Variants in STK38L observed in about 807,000 individuals in gnomAD.
STK38L encodes serine/threonine kinase 38 like.
A neutral mutation model predicts 59.7 loss-of-function variants in STK38L; 28 were observed. That is an observed-to-expected ratio of 0.47 (90% CI 0.35 to 0.64). The LOEUF (loss-of-function observed/expected upper bound fraction) is 0.64. STK38L is among the 30% of genes least tolerant of loss of function. The probability of loss-of-function intolerance (pLI) is 0.01; values close to 1 mark genes in which losing one functional copy is unlikely to be tolerated. For missense variants in STK38L, 314 were observed against 555.8 expected, an observed-to-expected ratio of 0.56 and a Z score of 4.37; for synonymous variants, 162 against 176.8, an observed-to-expected ratio of 0.92 and a Z score of 0.66.
chr12:27,301,953 A>T (rs1190920838), intron 2 of STK38L, among the ~76,000 whole-genome samples, 184 bp from the exon 3 acceptor site: 1 of 152,178 alleles, frequency 6.6e-6, no homozygotes, highest in Non-Finnish European at 1.5e-5. Context: ...ATGAGAAAGC[A>T]AAATCTGGGT....
chr12:27,300,761 T>C (rs1944148860), intron 2 of STK38L, among the ~76,000 whole-genome samples: 1 of 152,230 alleles, frequency 6.6e-6, no homozygotes, highest in Admixed American at 6.5e-5. Flanking sequence ...TTGGAGAATA[T>C]GCTCTTAGGC....
At chr12:27,290,804 G>C (rs1943879968) in intron 1 of STK38L, among the ~76,000 whole-genome samples, 1 of 152,210 alleles carries the variant, frequency 6.6e-6, no homozygotes, top group South Asian at 2.1e-4. Flanking sequence ...AGCTGACAGA[G>C]CTCATTGTGG....
At chr12:27,317,688 C>A (rs1367835237) in intron 10 of STK38L, 1 of 754,430 alleles carries the variant, frequency 1.3e-6, no homozygotes, top group Admixed American at 3.0e-5. Context: ...ATCTACATAG[C>A]TTTTCAGGTA....
At chr12:27,272,398 A>G (rs1943442186) in intron 1 of STK38L, among the ~76,000 whole-genome samples, 1 of 152,194 alleles carries the variant, frequency 6.6e-6, no homozygotes, top group African/African-American at 2.4e-5. Flanking sequence ...AAAGTTTAAG[A>G]ACTTTGCCAT....
chr12:27,291,123 G>A (rs1943887276), intron 1 of STK38L, among the ~76,000 whole-genome samples: 1 of 151,976 alleles, frequency 6.6e-6, no homozygotes, highest in African/African-American at 2.4e-5. Context: ...CTGGGTACTT[G>A]GGTAAAAACT....
intron 1 of STK38L, among the ~76,000 whole-genome samples, chr12:27,246,617 TA>T (rs936203628): frequency 2.4e-4 from 36 of 152,306 alleles, no homozygotes; most frequent in African/African-American, 8.7e-4. Context: ...TTTTAAGACA[TA>T]ACTTTTTTAA....
chr12:27,317,206 T>TA (rs1944607809), intron 9 of STK38L, 130 bp from the exon 10 acceptor site: 1 of 669,656 alleles, frequency 1.5e-6, no homozygotes, highest in African/African-American at 1.8e-5. Context: ...TTGCACATGA[T>TA]AAACATGCAA....
intron 1 of STK38L, among the ~76,000 whole-genome samples, chr12:27,285,659 G>C (rs1943755880): frequency 6.6e-6 from 1 of 152,128 alleles, no homozygotes; most frequent in Non-Finnish European, 1.5e-5. Flanking sequence ...CCATTCATCA[G>C]TTGTTCTCTG....
At chr12:27,285,531 C>T (rs1943753204) in intron 1 of STK38L, among the ~76,000 whole-genome samples, 1 of 152,138 alleles carries the variant, frequency 6.6e-6, no homozygotes, top group Non-Finnish European at 1.5e-5. Context: ...AGCAAGTGTT[C>T]AAAGCTGCCC....
At chr12:27,289,653 A>G (rs535981804) in intron 1 of STK38L, among the ~76,000 whole-genome samples, 9 of 152,372 alleles carry the variant, frequency 5.9e-5, no homozygotes, top group African/African-American at 2.2e-4. Context: ...CATACGCCAC[A>G]TGGAGAGGGC....
chr12:27,279,128 A>G lies in STK38L; in HGVS notation c.-11-18582A>G, dbSNP rs191991620. Reference sequence around the variant, plus strand: ...ACTGAATGTGCCTCATTTTCGGACCATCATAAAGTGGAAAAATTGTAAGTT... The same window carrying G: ...ACTGAATGTGCCTCATTTTCGGACCGTCATAAAGTGGAAAAATTGTAAGTT... On this transcript the variant is annotated intron_variant, in intron 1 of 13. Coordinates refer to ENST00000389032, the MANE Select transcript of STK38L (RefSeq NM_015000.4). Among the ~76,000 whole-genome samples the G allele has an allele frequency of 1.6e-3, 243 of 152,320 alleles. 3 individuals carry two copies. In the Middle Eastern group the frequency reaches 0.048, roughly 30 times the overall value.
chr12:27,254,459 A>G (rs915491499), intron 1 of STK38L, among the ~76,000 whole-genome samples: 8 of 152,224 alleles, frequency 5.3e-5, no homozygotes, highest in African/African-American at 1.9e-4. Flanking sequence ...TCGTTATTAT[A>G]AACTTTGTAT....
Position 27,324,836 on chromosome 12 carries a change from A to C in STK38L, c.*2381A>C, listed in dbSNP as rs528221794. ...CTAGATAATTTGCAAAGTACCCTTG[A>C]GATTGAATTTTCTCTATTATATATT... On this transcript the variant is annotated 3_prime_UTR_variant, in exon 14 of 14. Transcript: ENST00000389032. 2 of 152,234 alleles carry C rather than the reference A, an allele frequency of 1.3e-5. No individual in the cohort carries two copies. Among genetic ancestry groups the C allele is most frequent in the East Asian group, 3.9e-4 (2 of 5,186 alleles). 9.4% of individuals were successfully genotyped at this position (152,234 alleles called of 1,614,324 possible). A position where few individuals can be genotyped will look rare whatever the true frequency, so the allele number is the denominator to read the frequency against.
At chr12:27,265,162 A>G (rs1943276902) in intron 1 of STK38L, among the ~76,000 whole-genome samples, 1 of 152,224 alleles carries the variant, frequency 6.6e-6, no homozygotes, top group Non-Finnish European at 1.5e-5. Flanking sequence ...GTATGAAGAA[A>G]AAGAAAAGAT....
chr12:27,245,313 C>T (rs12424781), intron 1 of STK38L, among the ~76,000 whole-genome samples: 18,022 of 152,162 alleles, frequency 0.12, 1,286 homozygotes, highest in East Asian at 0.31. Flanking sequence ...GCCACTTAAT[C>T]GGAAATGGCC....
chr12:27,316,100 A>C (rs888876563), intron 9 of STK38L, among the ~76,000 whole-genome samples: 4 of 152,206 alleles, frequency 2.6e-5, no homozygotes, highest in Admixed American at 6.5e-5. Context: ...CTAATTCAGC[A>C]TTCCCTCAGG....
intron 1 of STK38L, chr12:27,297,110 A>G (rs1944043917): frequency 6.6e-6 from 1 of 152,448 alleles, no homozygotes; most frequent in Non-Finnish European, 1.5e-5. Flanking sequence ...ACGTTTTGGA[A>G]TGACCCAGAA....
intron 2 of STK38L, 36 bp from the exon 3 acceptor site, chr12:27,302,101 T>C: frequency 3.3e-6 from 5 of 1,519,806 alleles, no homozygotes; most frequent in Non-Finnish European, 3.6e-6. Context: ...TAGTTAGGAA[T>C]GTATTTAAAA....
intron 1 of STK38L, among the ~76,000 whole-genome samples, chr12:27,291,328 T>C (rs1943891006): frequency 6.6e-6 from 1 of 152,190 alleles, no homozygotes; most frequent in South Asian, 2.1e-4. Flanking sequence ...CTTACAGCTC[T>C]TCCTCCTCTG....
Sources: allele counts gnomAD v4.1 joint callset (sites outside exome capture counted in the v4.1 genomes callset), GRCh38; gene constraint gnomAD v4.1.1; transcripts MANE v1.5; gene names NCBI Gene and HGNC (gene_info 2026-07-23, HGNC 2026-07-21).